The following PACS2 variants were observed in gnomAD, a reference collection of about 807,000 sequenced individuals.
PACS2 encodes PACS1-like protein.
Under a neutral mutation model 113.0 loss-of-function variants are expected in PACS2, and 36 were observed. That is an observed-to-expected ratio of 0.32 (90% CI 0.24 to 0.42). The LOEUF (loss-of-function observed/expected upper bound fraction) is 0.42. Ranked by LOEUF, PACS2 falls within the 10% of genes least tolerant of loss-of-function variation. The probability of loss-of-function intolerance (pLI) is 1.00; values close to 1 mark genes in which losing one functional copy is unlikely to be tolerated. For synonymous variants in PACS2, 589 were observed against 536.1 expected (o/e 1.10, Z -1.36); for missense variants, 1,015 against 1,239.5 (o/e 0.82, Z 2.72).
rs2081559996 is a variant in PACS2 at position 105,397,495 on chromosome 14, C to T, written c.*2823C>T. ...GTCACCACCGAGGCACCCCTCAGGC[C>T]TGGTGGCCACTGTCCACTATTACGT... On this transcript the variant is annotated 3_prime_UTR_variant, in exon 25 of 25. Coordinates refer to ENST00000447393, the MANE Select transcript of PACS2 (RefSeq NM_001100913.3). 6.6e-6 allele frequency: 1 copy of T among 152,322 alleles called. No individual in the cohort carries two copies. Among genetic ancestry groups the T allele is most frequent in the African/African-American group, 2.4e-5 (1 of 41,460 alleles). 9.4% of individuals were successfully genotyped at this position (152,322 alleles called of 1,614,324 possible). A position where few individuals can be genotyped will look rare whatever the true frequency, so the allele number is the denominator to read the frequency against.
chr14:105,359,330 T>C (rs587747655), intron 4 of PACS2, among the ~76,000 whole-genome samples: 5 of 152,096 alleles, frequency 3.3e-5, no homozygotes, highest in African/African-American at 1.2e-4. Flanking sequence ...ATTTTTAAAT[T>C]TTTTTCGTGA....
upstream of PACS2, among the ~76,000 whole-genome samples, chr14:105,313,641 G>C (rs2058417656): frequency 6.6e-6 from 1 of 152,240 alleles, no homozygotes; most frequent in African/African-American, 2.4e-5. Flanking sequence ...CAAGCCCCGT[G>C]GGCCAGGAAA....
At position 105,367,114 on chromosome 14, in the gene PACS2, CTG is replaced by C; in HGVS notation, c.424-98_424-97del. 2.7e-6 allele frequency: 3 copies of C among 1,131,464 alleles called. No individual in the cohort carries two copies. The South Asian group carries it at 4.4e-5, about 16-fold the overall frequency. 70.1% of individuals were successfully genotyped at this position (1,131,464 alleles called of 1,614,324 possible). On this transcript the variant is annotated intron_variant, in intron 4 of 24. Transcript: ENST00000447393. ...CTGCTGAGGGTCCCCCTTGCTGTCA[CTG>C]AGAGAGAAAGCCCTTCAGAAACCCC...
chr14:105,342,671 C>T (rs2059778464), intron 1 of PACS2, among the ~76,000 whole-genome samples: 2 of 151,874 alleles, frequency 1.3e-5, no homozygotes, highest in South Asian at 2.1e-4. Flanking sequence ...CAGTGGCTCA[C>T]GCCTGTAATC....
rs181538937 is a variant in PACS2 at position 105,362,222 on chromosome 14, T to C, written c.424-4991T>C. On this transcript the variant is annotated intron_variant, in intron 4 of 24. Coordinates refer to ENST00000447393, the MANE Select transcript of PACS2 (RefSeq NM_001100913.3). ...TCACGAGGTCAGGAGATCAAGACCA[T>C]CCTGGCTAACACAGTGAAACACCGT... 2.6e-3 allele frequency among the ~76,000 whole-genome samples: 392 copies of C among 150,296 alleles called. 3 individuals are homozygous for C. Among genetic ancestry groups the C allele is most frequent in the Admixed American group, 0.016 (239 of 15,092 alleles).
intron 15 of PACS2, 30 bp downstream of exon 15, chr14:105,382,943 C>A: frequency 7.6e-7 from 1 of 1,315,360 alleles, no homozygotes; most frequent in Non-Finnish European, 1.1e-6. Flanking sequence ...GTACTCACCA[C>A]CCAAGTACCC....
In PACS2 at chr14:105,356,069, C is replaced by T. The variant is rs1169812535; in HGVS notation, c.423+892C>T. 6.6e-6 allele frequency among the ~76,000 whole-genome samples: 1 copy of T among 152,186 alleles called. No homozygotes were observed. Among genetic ancestry groups the T allele is most frequent in the Non-Finnish European group, 1.5e-5 (1 of 68,022 alleles). ...GCCCCTCATTGGGAGCCGGAGATGC[C>T]AGAGCCCCCCAGCCCCTCTTCTTCC... On this transcript the variant is annotated intron_variant, in intron 4 of 24. Transcript: ENST00000447393. The surrounding 1 kb of genome is among the most constrained non-coding windows in gnomAD (Gnocchi z 4.0).
rs2060503009 is a variant in PACS2, at chr14:105,357,593, C to A, written c.423+2416C>A. 6.6e-6 allele frequency among the ~76,000 whole-genome samples: 1 copy of A among 152,150 alleles called. No homozygotes were observed. The highest frequency in any genetic ancestry group is 2.4e-5 in the African/African-American group (1 of 41,436). On this transcript the variant is annotated intron_variant, in intron 4 of 24. Transcript: ENST00000447393. This position sits in a 1 kb window ranked among gnomAD's most constrained non-coding sequence, Gnocchi z 5.1. Reference sequence around the variant, plus strand: ...CGGTTCATGGGCTCCCTGTGTCCTGCCACCTTTTGGGGCTGGTTCCCACCT... The same window carrying A: ...CGGTTCATGGGCTCCCTGTGTCCTGACACCTTTTGGGGCTGGTTCCCACCT...
At chr14:105,333,180 G>A (rs1172420793) in intron 1 of PACS2, among the ~76,000 whole-genome samples, 1 of 152,180 alleles carries the variant, frequency 6.6e-6, no homozygotes, top group Non-Finnish European at 1.5e-5. Context: ...CCCTGGCCCT[G>A]TTCCCTACCA....
chr14:105,346,194 C>T (rs782032098), intron 1 of PACS2, among the ~76,000 whole-genome samples: 1 of 152,168 alleles, frequency 6.6e-6, no homozygotes, highest in Non-Finnish European at 1.5e-5. Flanking sequence ...GACTTAAATA[C>T]ATCGAACTTG....
Position 105,356,663 on chromosome 14 carries a change from G to A in PACS2, c.423+1486G>A, listed in dbSNP as rs587639765. 1.3e-5 allele frequency among the ~76,000 whole-genome samples: 2 copies of A among 152,102 alleles called. No homozygotes were observed. Among genetic ancestry groups the A allele is most frequent in the South Asian group, 4.2e-4 (2 of 4,812 alleles). ...GCAGGCTCTGTTTCCCATTAGCCAT[G>A]CAGGCGAGGTCCTGCTGATCCCTGC... is the stretch of plus-strand genomic sequence containing the variant. On this transcript the variant is annotated intron_variant, in intron 4 of 24. Transcript: ENST00000447393. The surrounding 1 kb of genome is among the most constrained non-coding windows in gnomAD (Gnocchi z 4.0).
intron 1 of PACS2, among the ~76,000 whole-genome samples, chr14:105,325,408 C>T (rs745522516): frequency 4.6e-5 from 7 of 152,318 alleles, no homozygotes; most frequent in Non-Finnish European, 8.8e-5. Context: ...GGGCCAACAT[C>T]CTGGGCCTTG....
At chr14:105,314,639 C>T (rs1416636538), upstream of PACS2, 1 of 143,888 alleles carries the variant, frequency 6.9e-6, no homozygotes, top group Non-Finnish European at 1.5e-5. Context: ...GCGCCCCGCC[C>T]AGCCAATCGG....
intron 21 of PACS2, 119 bp from the exon 22 acceptor site, chr14:105,391,512 T>TAC: frequency 3.9e-5 from 24 of 611,244 alleles, no homozygotes; most frequent in Non-Finnish European, 5.2e-5. Flanking sequence ...CACTGGGGAC[T>TAC]CCCACCCTGC....
At chr14:105,353,939 T>C (rs7492413) in intron 3 of PACS2, among the ~76,000 whole-genome samples, 148,298 of 151,836 alleles carry the variant, frequency 0.98, 72,487 homozygotes, top group Non-Finnish European at 1. Flanking sequence ...AGGCCGGGTG[T>C]GGTGGCTCAT....
rs1203544279 is a variant in PACS2 at position 105,395,054 on chromosome 14, G to A, written c.*382G>A. The A allele has an allele frequency of 4.3e-6, 1 of 232,694 alleles. No homozygotes were observed. Among genetic ancestry groups the A allele is most frequent in the Non-Finnish European group, 8.6e-6 (1 of 115,992 alleles). The allele number at this position is 232,694 out of a possible 1,614,324, so 14.4% of individuals were successfully genotyped here. ...AGCCCGGGGAAGGCGGAGCTCAGTG[G>A]CCACAGGCCGAGGGCCATGGGGCCG... On this transcript the variant is annotated 3_prime_UTR_variant, in exon 25 of 25. Coordinates refer to ENST00000447393, the MANE Select transcript of PACS2 (RefSeq NM_001100913.3).
chr14:105,328,838 G>T (rs1028418812), intron 1 of PACS2, among the ~76,000 whole-genome samples: 4 of 152,194 alleles, frequency 2.6e-5, no homozygotes, highest in Non-Finnish European at 4.4e-5. Flanking sequence ...CTTTGCAGTT[G>T]CCTCTAAGGG....
rs782107350 is a variant in PACS2, at chr14:105,358,251, C to T, written c.423+3074C>T. ...ATGGGTGCCAGGAGCTGGACGCCGG[C>T]GTGGGGTGGCTTAGGTCTGCAGGCT... On this transcript the variant is annotated intron_variant, in intron 4 of 24. Coordinates refer to ENST00000447393, the MANE Select transcript of PACS2 (RefSeq NM_001100913.3). This position sits in a 1 kb window ranked among gnomAD's most constrained non-coding sequence, Gnocchi z 4.9. Among the ~76,000 whole-genome samples the T allele has an allele frequency of 1.1e-4, 17 of 152,184 alleles. No homozygotes were observed. Among genetic ancestry groups the T allele is most frequent in the African/African-American group, 1.7e-4 (7 of 41,450 alleles).
Position 105,330,379 on chromosome 14 carries a change from G to C in PACS2, c.119+15342G>C, listed in dbSNP as rs587619440. Among the ~76,000 whole-genome samples, 65 of 152,272 alleles carry C rather than the reference G, an allele frequency of 4.3e-4. No individual in the cohort carries two copies. Among genetic ancestry groups the C allele is most frequent in the Non-Finnish European group, 6.5e-4 (44 of 68,012 alleles). On this transcript the variant is annotated intron_variant, in intron 1 of 24. Transcript: ENST00000447393. This position sits in a 1 kb window ranked among gnomAD's most constrained non-coding sequence, Gnocchi z 6.9. ...GGGGTCCGTGTGTCCGTAGGAACGG[G>C]GGACAGGAGGTTGTGAAGGGCGTGT... is the stretch of plus-strand genomic sequence containing the variant.
Sources: gnomAD v4.1 joint callset for allele counts (sites outside exome capture counted in the v4.1 genomes callset) on GRCh38, gnomAD v4.1.1 for gene constraint, Gnocchi (gnomAD v3.1) non-coding constraint, MANE v1.5 for transcripts, NCBI Gene and HGNC (gene_info 2026-07-23, HGNC 2026-07-21) for gene names.